RPS29: variants seen among roughly 807,000 people sequenced by gnomAD.
The protein encoded by RPS29 is small ribosomal subunit protein uS14.
For synonymous variants in RPS29, 37 were observed against 26.9 expected (o/e 1.37, Z -1.16); for missense variants, 60 against 75.7 (o/e 0.79, Z 0.77).
At chr14:49,587,600 T>C (rs1209411473), upstream of RPS29, among the ~76,000 whole-genome samples, 1 of 151,994 alleles carries the variant, frequency 6.6e-6, no homozygotes, top group Non-Finnish European at 1.5e-5. Flanking sequence ...AGGAGGGGAG[T>C]CAGAGATTTG....
Position 49,583,693 on chromosome 14 carries a change from G to A in RPS29, c.163-18C>T, listed in dbSNP as rs769389361. 2.1e-5 allele frequency: 29 copies of A among 1,367,444 alleles called. No individual in the cohort carries two copies. In the East Asian group the frequency reaches 6.0e-4, roughly 28 times the overall value. 84.7% of individuals were successfully genotyped at this position (1,367,444 alleles called of 1,614,324 possible). A position where few individuals can be genotyped will look rare whatever the true frequency, so the allele number is the denominator to read the frequency against. On this transcript the variant is annotated intron_variant, in intron 2 of 2. Coordinates refer to ENST00000245458, the MANE Select transcript of RPS29 (RefSeq NM_001032.5). ...TAGTCCAACTGAAAAAAAAAAAGCA[G>A]ATGATTTATTTCAAAATGCTTTAAA...
intron 1 of RPS29, among the ~76,000 whole-genome samples, chr14:49,592,769 G>C (rs141247922): frequency 6.6e-6 from 1 of 151,496 alleles, no homozygotes; most frequent in African/African-American, 2.4e-5. Context: ...TTAGCCCGGC[G>C]TGGTGGTGCA....
At chr14:49,575,071 C>G (rs572842691) in exon 3 of RPS29, 2 of 152,660 alleles carry the variant, frequency 1.3e-5, no homozygotes, top group East Asian at 3.9e-4. Context: ...GACGGAGTCT[C>G]GCTCTGTCGC....
At chr14:49,579,414 T>C (rs543110942), downstream of RPS29, among the ~76,000 whole-genome samples, 2 of 152,288 alleles carry the variant, frequency 1.3e-5, no homozygotes, top group African/African-American at 2.4e-5. Context: ...CCTAAGAATA[T>C]ATCCTCTGCC....
At chr14:49,582,529 T>TTTTTCAA (rs1468003477), downstream of RPS29, among the ~76,000 whole-genome samples, 1 of 152,230 alleles carries the variant, frequency 6.6e-6, no homozygotes, top group Non-Finnish European at 1.5e-5. Context: ...TAATGCACAT[T>TTTTTCAA]ATTATGTATT....
At chr14:49,594,045 G>A (rs1011834941) in intron 1 of RPS29, among the ~76,000 whole-genome samples, 1 of 152,160 alleles carries the variant, frequency 6.6e-6, no homozygotes, top group Non-Finnish European at 1.5e-5. Flanking sequence ...ATTCCCTCTT[G>A]TGCAAAATGA....
At chr14:49,583,014 ATTT>A (rs959702750), downstream of RPS29, among the ~76,000 whole-genome samples, 1 of 151,966 alleles carries the variant, frequency 6.6e-6, no homozygotes, top group Non-Finnish European at 1.5e-5. Flanking sequence ...TCCTTAAAAC[ATTT>A]TTTTCTTTAA....
chr14:49,594,725 CAT>C (rs1166007188), intron 1 of RPS29, among the ~76,000 whole-genome samples: 1 of 152,264 alleles, frequency 6.6e-6, no homozygotes, highest in Non-Finnish European at 1.5e-5. Flanking sequence ...ATCCTTCACA[CAT>C]GTCCTCCTTT....
At chr14:49,571,864 G>A (rs1016595500) in exon 3 of RPS29, 3 of 152,136 alleles carry the variant, frequency 2.0e-5, no homozygotes, top group African/African-American at 4.8e-5. Context: ...TGTAAATACA[G>A]CATCTTCCTG....
At chr14:49,581,177 C>G (rs745496814), downstream of RPS29, among the ~76,000 whole-genome samples, 1 of 150,720 alleles carries the variant, frequency 6.6e-6, no homozygotes, top group African/African-American at 2.4e-5. Context: ...GCAACATGAG[C>G]AAAACTCTAT....
upstream of RPS29, chr14:49,586,581 C>T (rs1000926832): frequency 1.8e-5 from 10 of 548,534 alleles, no homozygotes; most frequent in African/African-American, 5.7e-5. Flanking sequence ...TATCCGACCG[C>T]CGGGCGCGGT....
At chr14:49,598,659 A>C (rs1166305360) in exon 1 of RPS29, 1 of 700,774 alleles carries the variant, frequency 1.4e-6, no homozygotes, top group Middle Eastern at 2.3e-4. Flanking sequence ...GTAAAGCGTC[A>C]ACAGCTGAAA....
upstream of RPS29, chr14:49,586,420 G>T: frequency 7.4e-7 from 1 of 1,359,984 alleles, no homozygotes; most frequent in Non-Finnish European, 1.1e-6. Flanking sequence ...TTTTGAGACA[G>T]TTTACCCAGA....
At chr14:49,576,944 T>C (rs916181927) in exon 3 of RPS29, 1 of 152,278 alleles carries the variant, frequency 6.6e-6, no homozygotes, top group Non-Finnish European at 1.5e-5. Flanking sequence ...GTCTTAGGTA[T>C]GTCTTTATCA....
chr14:49,586,616 C>A, upstream of RPS29: 6 of 484,568 alleles, frequency 1.2e-5, no homozygotes, highest in Non-Finnish European at 1.9e-5. Flanking sequence ...GTCCCAGCTA[C>A]TCGGGAGGCT....
At chr14:49,578,295 G>A (rs182747113) in intron 2 of RPS29, among the ~76,000 whole-genome samples, 83 of 152,114 alleles carry the variant, frequency 5.5e-4, no homozygotes, top group Admixed American at 2.2e-3. Flanking sequence ...AGCAATATTG[G>A]TACCAGGGAC....
chr14:49,571,540 A>C (rs998173365), exon 3 of RPS29: 5 of 152,210 alleles, frequency 3.3e-5, no homozygotes, highest in African/African-American at 7.2e-5. Context: ...CAGCGAGAAC[A>C]ACCATGTGAT....
intron 1 of RPS29, 67 bp downstream of exon 1, chr14:49,586,218 A>G (rs1040988509): frequency 1.1e-5 from 17 of 1,539,682 alleles, no homozygotes; most frequent in Non-Finnish European, 1.4e-5. Flanking sequence ...GGCCTCCTCT[A>G]CTTGAGATTT....
chr14:49,586,392 C>T (rs201193995), upstream of RPS29: 5 of 1,535,264 alleles, frequency 3.3e-6, no homozygotes, highest in African/African-American at 1.4e-5. Context: ...AGCTGGCCCA[C>T]GCATGCGCTC....
Sources: allele counts gnomAD v4.1 joint callset (sites outside exome capture counted in the v4.1 genomes callset), GRCh38; gene constraint gnomAD v4.1.1; transcripts MANE v1.5; gene names NCBI Gene and HGNC (gene_info 2026-07-23, HGNC 2026-07-21).